The following BCL2 variants were observed in gnomAD, a reference collection of about 807,000 sequenced individuals.
BCL2 encodes BCL2 apoptosis regulator.
In BCL2, 1 loss-of-function variant was observed where a neutral mutation model predicts 14.2. The observed-to-expected ratio is 0.07, with a 90% confidence interval of 0.02 to 0.33. The LOEUF is 0.33. Among genes scored for constraint, BCL2 ranks in the 10% least tolerant of loss-of-function variants. The pLI, the probability that BCL2 is intolerant of heterozygous loss-of-function variation, is 0.99. For missense variants in BCL2, 247 were observed against 305.9 expected, an observed-to-expected ratio of 0.81 and a Z score of 1.44; for synonymous variants, 151 against 137.2, an observed-to-expected ratio of 1.10 and a Z score of -0.70.
intron 2 of BCL2, among the ~76,000 whole-genome samples, chr18:63,188,242 G>C (rs1915638520): frequency 6.6e-6 from 1 of 152,192 alleles, no homozygotes. Flanking sequence ...ATGACATATG[G>C]AAATAGTACA....
chr18:63,278,225 T>A (rs1230191288), intron 2 of BCL2, among the ~76,000 whole-genome samples: 1 of 152,218 alleles, frequency 6.6e-6, no homozygotes, highest in Non-Finnish European at 1.5e-5. Context: ...TAGATCTTGA[T>A]AAACTTACTC....
In BCL2 at chr18:63,123,422, T is replaced by A. The variant is rs1444303846; in HGVS notation, c.*5203A>T. ...AAGGAAAGTTTAATGGCAATGTGAC[T>A]TTTTCCAACAACACAAACAAAGTGC... On this transcript the variant is annotated 3_prime_UTR_variant, in exon 3 of 3. Transcript: ENST00000333681. The A allele has an allele frequency of 5.0e-6, 1 of 198,254 alleles. No individual in the cohort carries two copies. Among genetic ancestry groups the A allele is most frequent in the East Asian group, 7.7e-5 (1 of 12,924 alleles). 12.3% of individuals were successfully genotyped at this position (198,254 alleles called of 1,614,324 possible).
intron 2 of BCL2, among the ~76,000 whole-genome samples, chr18:63,291,055 C>T (rs937332037): frequency 2.0e-5 from 3 of 152,146 alleles, no homozygotes; most frequent in Admixed American, 6.5e-5. Context: ...CTTCAACACC[C>T]GGCACCCACA....
intron 2 of BCL2, among the ~76,000 whole-genome samples, chr18:63,217,072 T>C (rs780809626): frequency 5.3e-5 from 8 of 152,210 alleles, no homozygotes; most frequent in Non-Finnish European, 8.8e-5. Flanking sequence ...CCAGATTTTA[T>C]GCTTTCTCTC....
At chr18:63,279,831 T>A (rs1912258860) in intron 2 of BCL2, among the ~76,000 whole-genome samples, 1 of 152,208 alleles carries the variant, frequency 6.6e-6, no homozygotes, top group South Asian at 2.1e-4. Context: ...TTCATCTACA[T>A]GAAGTTAAAT....
At chr18:63,201,742 C>T (rs1318926092) in intron 2 of BCL2, among the ~76,000 whole-genome samples, 1 of 152,110 alleles carries the variant, frequency 6.6e-6, no homozygotes. Context: ...AAACCTAACA[C>T]CACATGTTCT....
chr18:63,184,170 A>G (rs536795700), intron 2 of BCL2, among the ~76,000 whole-genome samples: 1 of 152,358 alleles, frequency 6.6e-6, no homozygotes, highest in Non-Finnish European at 1.5e-5. Flanking sequence ...GGCCATGGAT[A>G]AGGAGCCTTG....
chr18:63,220,808 G>A (rs1407261801), intron 2 of BCL2, among the ~76,000 whole-genome samples: 2 of 148,368 alleles, frequency 1.3e-5, no homozygotes, highest in African/African-American at 4.9e-5. Flanking sequence ...CCTGAAAGAT[G>A]TCTTCAAGGA....
intron 2 of BCL2, among the ~76,000 whole-genome samples, chr18:63,256,406 G>A (rs531540442): frequency 6.6e-6 from 1 of 152,076 alleles, no homozygotes; most frequent in African/African-American, 2.4e-5. Flanking sequence ...TAGTACAGAC[G>A]GGGTTTCACC....
intron 2 of BCL2, among the ~76,000 whole-genome samples, chr18:63,215,694 A>G (rs1050335660): frequency 6.6e-6 from 1 of 152,240 alleles, no homozygotes; most frequent in Admixed American, 6.5e-5. Context: ...GCAAGTGTCC[A>G]TGATAAGAAC....
intron 2 of BCL2, among the ~76,000 whole-genome samples, chr18:63,220,973 A>T (rs1910376701): frequency 6.7e-6 from 1 of 149,904 alleles, no homozygotes; most frequent in Admixed American, 6.6e-5. Context: ...CACAAATGGT[A>T]TATGTGGCTT....
At chr18:63,213,547 AACACACACACAC>A (rs57058660) in intron 2 of BCL2, among the ~76,000 whole-genome samples, 12 of 146,346 alleles carry the variant, frequency 8.2e-5, no homozygotes, top group Non-Finnish European at 1.2e-4. Flanking sequence ...CACACACATA[AACACACACACAC>A]ACACACACAC....
At chr18:63,153,930 C>T (rs151072103) in intron 2 of BCL2, among the ~76,000 whole-genome samples, 58 of 152,308 alleles carry the variant, frequency 3.8e-4, no homozygotes, top group African/African-American at 1.2e-3. Context: ...TTCATGAAGT[C>T]TTCATAGTAC....
At chr18:63,173,551 G>A (rs1184666642) in intron 2 of BCL2, among the ~76,000 whole-genome samples, 3 of 152,216 alleles carry the variant, frequency 2.0e-5, no homozygotes, top group African/African-American at 7.2e-5. Context: ...TTTAAGACCT[G>A]TGCAGCAGTT....
Position 63,318,174 on chromosome 18 carries a change from C to G in BCL2, c.493G>C (p.Glu165Gln). ...ATGTTGTCCACCAGGGGCGACATCT[C>G]CCGGTTGACGCTCTCCACACACATG... Reference protein sequence around the residue: ...GVMCVESVNREMSPLVDNIAL... With the variant: ...GVMCVESVNRQMSPLVDNIAL... Residue 165 changes from glutamate (E) to glutamine (Q), a missense_variant, in exon 2 of 3, where the codon GAG becomes CAG. Glu to Gln is a conservative substitution (Grantham distance 29). Transcript: ENST00000333681. The surrounding 1 kb of genome is among the most constrained non-coding windows in gnomAD (Gnocchi z 7.4). The G allele has an allele frequency of 6.2e-7, 1 of 1,614,180 alleles. No homozygotes were observed. The highest frequency in any genetic ancestry group is 1.3e-5 in the African/African-American group (1 of 75,026).
chr18:63,241,354 TAGCTGACCC>T (rs1452416582), intron 2 of BCL2, among the ~76,000 whole-genome samples: 1 of 152,264 alleles, frequency 6.6e-6, no homozygotes, highest in Non-Finnish European at 1.5e-5. Context: ...ATATGGAAAT[TAGCTGACCC>T]ACCAAGCATA....
chr18:63,297,702 T>C (rs1010505622), intron 2 of BCL2, among the ~76,000 whole-genome samples: 1 of 152,226 alleles, frequency 6.6e-6, no homozygotes, highest in African/African-American at 2.4e-5. Flanking sequence ...AGCATTAGTC[T>C]GTGTTGACCT....
chr18:63,256,450 C>T (rs903688925), intron 2 of BCL2, among the ~76,000 whole-genome samples: 8 of 152,208 alleles, frequency 5.3e-5, no homozygotes, highest in Non-Finnish European at 8.8e-5. Flanking sequence ...CTTCCGACCT[C>T]GAGTGATCTG....
At chr18:63,281,734 A>AAGAAAGAAAGAAAGAAAG (rs1555707217) in intron 2 of BCL2, among the ~76,000 whole-genome samples, 8 of 144,234 alleles carry the variant, frequency 5.5e-5, no homozygotes, top group African/African-American at 2.1e-4. Flanking sequence ...GAAAGAAAGA[A>AAGAAAGAAAGAAAGAAAG]AGAAAAAGAG....
Sources: gnomAD v4.1 joint callset for allele counts (sites outside exome capture counted in the v4.1 genomes callset) on GRCh38, gnomAD v4.1.1 for gene constraint, Gnocchi (gnomAD v3.1) non-coding constraint, MANE v1.5 for transcripts, NCBI Gene and HGNC (gene_info 2026-07-23, HGNC 2026-07-21) for gene names.